Variants in GUCY1A2 observed in about 807,000 individuals in gnomAD.
GUCY1A2 encodes guanylate cyclase 1 soluble subunit alpha 2, also known as guanylate cyclase soluble subunit alpha-2.
A neutral mutation model predicts 63.5 loss-of-function variants in GUCY1A2; 27 were observed. The ratio of observed to expected loss-of-function variants is 0.43; its 90% CI spans 0.31 to 0.59. GUCY1A2 has a LOEUF of 0.59. Ranked by LOEUF, GUCY1A2 falls within the 20% of genes least tolerant of loss-of-function variation. The pLI, the probability that GUCY1A2 is intolerant of heterozygous loss-of-function variation, is 0.11. For missense variants in GUCY1A2, 768 were observed against 913.3 expected (o/e 0.84, Z 2.05); for synonymous variants, 364 against 343.5 (o/e 1.06, Z -0.66).
chr11:106,732,167 AC>A, intron 6 of GUCY1A2, among the ~76,000 whole-genome samples: 1 of 152,286 alleles, frequency 6.6e-6, no homozygotes, highest in East Asian at 1.9e-4. Context: ...TGGTACTGGT[AC>A]AAAAACAGAC....
At chr11:106,767,632 A>G (rs1864186020) in intron 6 of GUCY1A2, among the ~76,000 whole-genome samples, 1 of 152,142 alleles carries the variant, frequency 6.6e-6, no homozygotes, top group Non-Finnish European at 1.5e-5. Flanking sequence ...TGTCTCATTG[A>G]CATACACATC....
At chr11:106,806,173 C>T (rs1341889070) in intron 5 of GUCY1A2, among the ~76,000 whole-genome samples, 1 of 152,078 alleles carries the variant, frequency 6.6e-6, no homozygotes, top group Non-Finnish European at 1.5e-5. Context: ...GTTCTAATGG[C>T]AGCTAATATT....
chr11:106,701,968 T>C (rs1862824755), intron 7 of GUCY1A2, among the ~76,000 whole-genome samples: 1 of 152,156 alleles, frequency 6.6e-6, no homozygotes, highest in African/African-American at 2.4e-5. Flanking sequence ...TTCAAGTAGT[T>C]ATCAACCCAT....
intron 4 of GUCY1A2, among the ~76,000 whole-genome samples, chr11:106,884,186 A>T (rs940928928): frequency 9.9e-5 from 15 of 152,160 alleles, no homozygotes; most frequent in African/African-American, 3.6e-4. Flanking sequence ...TATAACAAAA[A>T]AAAGAAAGGA....
chr11:106,782,226 A>ATCT (rs1285821958), intron 5 of GUCY1A2, among the ~76,000 whole-genome samples: 1 of 152,186 alleles, frequency 6.6e-6, no homozygotes, highest in African/African-American at 2.4e-5. Flanking sequence ...TTACTGAACA[A>ATCT]TCTTCCCAGG....
rs1198485677 is a variant in GUCY1A2 at position 106,681,854 on chromosome 11, A to C, written c.*5695T>G. 4 of 215,382 alleles carry C rather than the reference A, an allele frequency of 1.9e-5. No individual in the cohort carries two copies. The highest frequency in any genetic ancestry group is 9.0e-5 in the African/African-American group (4 of 44,318). The allele number at this position is 215,382 out of a possible 1,614,324, so 13.3% of individuals were successfully genotyped here. The stretch of plus-strand genomic sequence containing the variant: ...GTATTGCTTGGAAATCAGTTTTCAG[A>C]TAATGTACAATTCAATATGAAAAGT... On this transcript the variant is annotated 3_prime_UTR_variant, in exon 8 of 8. Coordinates refer to ENST00000526355, the MANE Select transcript of GUCY1A2 (RefSeq NM_000855.3).
At chr11:106,796,219 T>A (rs1864757178) in intron 5 of GUCY1A2, among the ~76,000 whole-genome samples, 1 of 152,168 alleles carries the variant, frequency 6.6e-6, no homozygotes, top group Non-Finnish European at 1.5e-5. Flanking sequence ...ATGAGATGGG[T>A]CTCCTGAATA....
chr11:106,777,403 C>T (rs1276581672), intron 5 of GUCY1A2, among the ~76,000 whole-genome samples: 1 of 145,966 alleles, frequency 6.9e-6, no homozygotes, highest in African/African-American at 2.6e-5. Context: ...GCCGAGATTG[C>T]ACCACTGCGC....
In GUCY1A2 at chr11:106,903,010, C is replaced by G. The variant is rs115701371; in HGVS notation, c.1206+36450G>C. On this transcript the variant is annotated intron_variant, in intron 4 of 7. Coordinates refer to ENST00000526355, the MANE Select transcript of GUCY1A2 (RefSeq NM_000855.3). ...GATTATGAATCTATGTCTTGCAAAA[C>G]TTTTCAAATATAAGAACTCTAACTG... Among the ~76,000 whole-genome samples the G allele has an allele frequency of 5.5e-4, 84 of 152,222 alleles. 1 individual carries two copies. The highest frequency in any genetic ancestry group is 1.9e-3 in the African/African-American group (80 of 41,546).
intron 5 of GUCY1A2, among the ~76,000 whole-genome samples, chr11:106,783,016 C>T (rs766629460): frequency 1.3e-5 from 2 of 152,124 alleles, no homozygotes; most frequent in Non-Finnish European, 2.9e-5. Context: ...GTCCATGGAA[C>T]GCCCATGGGA....
chr11:107,011,327 TTTTA>T (rs1448476780), intron 1 of GUCY1A2, among the ~76,000 whole-genome samples: 1 of 151,972 alleles, frequency 6.6e-6, no homozygotes, highest in Admixed American at 6.6e-5. Context: ...AATATTTATG[TTTTA>T]TTTTACTTAG....
At chr11:106,980,310 A>C (rs1861318695) in intron 2 of GUCY1A2, among the ~76,000 whole-genome samples, 2 of 152,148 alleles carry the variant, frequency 1.3e-5, no homozygotes, top group Admixed American at 6.5e-5. Flanking sequence ...AGACCACGAG[A>C]GTGAAGTCCT....
intron 6 of GUCY1A2, among the ~76,000 whole-genome samples, chr11:106,757,152 T>G (rs1007395260): frequency 1.3e-5 from 2 of 152,206 alleles, no homozygotes; most frequent in African/African-American, 2.4e-5. Flanking sequence ...CTATTGAAGC[T>G]TGTGTATACT....
intron 4 of GUCY1A2, among the ~76,000 whole-genome samples, chr11:106,815,576 A>C (rs1858819724): frequency 6.6e-6 from 1 of 151,670 alleles, no homozygotes; most frequent in East Asian, 1.9e-4. Context: ...TAAGAGAAAA[A>C]AATCTTTGAG....
At chr11:106,710,481 A>G (rs1259505430) in intron 6 of GUCY1A2, among the ~76,000 whole-genome samples, 10 of 148,628 alleles carry the variant, frequency 6.7e-5, no homozygotes, top group Non-Finnish European at 1.2e-4. Context: ...CAAAGCAGGT[A>G]TTCAACATTA....
intron 1 of GUCY1A2, among the ~76,000 whole-genome samples, chr11:107,008,383 G>C (rs772477471): frequency 2.6e-5 from 4 of 151,750 alleles, no homozygotes; most frequent in Non-Finnish European, 4.4e-5. Context: ...TCAGGTAGGA[G>C]AATGTTTAGA....
chr11:106,924,201 G>C (rs772494243), intron 4 of GUCY1A2, among the ~76,000 whole-genome samples: 3 of 152,096 alleles, frequency 2.0e-5, no homozygotes, highest in Non-Finnish European at 4.4e-5. Context: ...GTGTCCATAG[G>C]ACAAGCAAAA....
intron 7 of GUCY1A2, among the ~76,000 whole-genome samples, chr11:106,693,095 G>T (rs1862654413): frequency 6.6e-6 from 1 of 152,158 alleles, no homozygotes; most frequent in Non-Finnish European, 1.5e-5. Flanking sequence ...TCACAAATTT[G>T]TCTACTCACT....
intron 4 of GUCY1A2, among the ~76,000 whole-genome samples, chr11:106,875,325 G>A (rs972842093): frequency 6.6e-6 from 1 of 152,136 alleles, no homozygotes; most frequent in Non-Finnish European, 1.5e-5. Flanking sequence ...TGGAGCCCAA[G>A]TAAGAGTTCT....
Sources: allele counts gnomAD v4.1 joint callset (sites outside exome capture counted in the v4.1 genomes callset), GRCh38; gene constraint gnomAD v4.1.1; transcripts MANE v1.5; gene names NCBI Gene and HGNC (gene_info 2026-07-23, HGNC 2026-07-21).